The following ZNF385D variants were observed in gnomAD, a reference collection of about 807,000 sequenced individuals.
The protein encoded by ZNF385D is zinc finger protein 659.
A neutral mutation model predicts 35.8 loss-of-function variants in ZNF385D; 15 were observed. The observed-to-expected ratio is 0.42, with a 90% CI of 0.28 to 0.64. The LOEUF (loss-of-function observed/expected upper bound fraction) is 0.64. Ranked by LOEUF, ZNF385D falls within the 30% of genes least tolerant of loss-of-function variation. The probability of loss-of-function intolerance (pLI) is 0.23; values close to 1 mark genes in which losing one functional copy is unlikely to be tolerated. For missense variants in ZNF385D, 474 were observed against 494.6 expected (o/e 0.96, Z 0.39); for synonymous variants, 212 against 186.8 (o/e 1.13, Z -1.10).
chr3:22,160,949 T>A (rs963193811), intron 3 of ZNF385D, among the ~76,000 whole-genome samples: 1 of 152,076 alleles, frequency 6.6e-6, no homozygotes, highest in Admixed American at 6.6e-5. Flanking sequence ...ATCCTAAAAG[T>A]TATGCCCCTT....
At chr3:22,287,655 C>T (rs1702094380) in intron 2 of ZNF385D, among the ~76,000 whole-genome samples, 1 of 151,946 alleles carries the variant, frequency 6.6e-6, no homozygotes, top group Admixed American at 6.6e-5. Flanking sequence ...CCATAACCCC[C>T]AGCATTTTAG....
At chr3:21,635,524 G>C (rs2065401958) in intron 2 of ZNF385D, among the ~76,000 whole-genome samples, 1 of 148,912 alleles carries the variant, frequency 6.7e-6, no homozygotes, top group African/African-American at 2.5e-5. Context: ...TGTAGTTCCA[G>C]AGTCACTGTT....
At chr3:22,021,546 C>T (rs759700955) in intron 3 of ZNF385D, among the ~76,000 whole-genome samples, 11 of 152,192 alleles carry the variant, frequency 7.2e-5, no homozygotes, top group East Asian at 5.8e-4. Flanking sequence ...TGCTTTAATT[C>T]GCTCAGCCTC....
chr3:22,365,210 G>A (rs890739772), intron 2 of ZNF385D, among the ~76,000 whole-genome samples: 6 of 151,642 alleles, frequency 4.0e-5, no homozygotes, highest in Admixed American at 3.9e-4. Flanking sequence ...TACACTGAGC[G>A]GTGCACTTAA....
intron 2 of ZNF385D, among the ~76,000 whole-genome samples, chr3:22,354,378 G>C (rs746641780): frequency 3.9e-5 from 6 of 152,038 alleles, no homozygotes; most frequent in Non-Finnish European, 8.8e-5. Context: ...AATGTTGGCT[G>C]CTGTTGCTGC....
chr3:21,847,894 G>A (rs140795165), intron 3 of ZNF385D, among the ~76,000 whole-genome samples: 1 of 152,014 alleles, frequency 6.6e-6, no homozygotes, highest in East Asian at 1.9e-4. Context: ...GTAAAACATT[G>A]CTGACTATAG....
intron 3 of ZNF385D, among the ~76,000 whole-genome samples, chr3:22,128,653 G>C (rs143588474): frequency 6.6e-6 from 1 of 152,048 alleles, no homozygotes; most frequent in African/African-American, 2.4e-5. Context: ...TTATGCTGTT[G>C]AGAGACTCTG....
intron 3 of ZNF385D, among the ~76,000 whole-genome samples, chr3:21,915,526 TG>T (rs1700153203): frequency 6.6e-6 from 1 of 152,150 alleles, no homozygotes; most frequent in African/African-American, 2.4e-5. Flanking sequence ...TAAGTAAATG[TG>T]TTTCTTTGCA....
chr3:21,678,506 G>A (rs2066798967), intron 1 of ZNF385D, among the ~76,000 whole-genome samples: 1 of 152,070 alleles, frequency 6.6e-6, no homozygotes, highest in African/African-American at 2.4e-5. Flanking sequence ...CAAACGTTTT[G>A]TAGAAAACGC....
intron 2 of ZNF385D, among the ~76,000 whole-genome samples, chr3:22,369,191 G>C (rs994461788): frequency 7.2e-5 from 11 of 152,112 alleles, no homozygotes; most frequent in African/African-American, 1.4e-4. Context: ...ATGTCAGTGT[G>C]ACTCATGTTT....
chr3:21,424,318 T>TATA (rs375587956), intron 6 of ZNF385D, among the ~76,000 whole-genome samples: 1,376 of 41,046 alleles, frequency 0.034, 17 homozygotes, highest in Non-Finnish European at 0.041. Context: ...TATATATATA[T>TATA]TTTTTTTTTT....
At chr3:21,446,785 G>A (rs1203704318) in intron 4 of ZNF385D, among the ~76,000 whole-genome samples, 1 of 97,758 alleles carries the variant, frequency 1.0e-5, no homozygotes, top group African/African-American at 3.7e-5. Flanking sequence ...GAGCCACCGT[G>A]CCTGGCCTAA....
chr3:21,990,971 C>G (rs1695115551), intron 3 of ZNF385D, among the ~76,000 whole-genome samples: 1 of 152,172 alleles, frequency 6.6e-6, no homozygotes, highest in Non-Finnish European at 1.5e-5. Flanking sequence ...ACCAACAGTG[C>G]ACTGTACCAA....
intron 2 of ZNF385D, among the ~76,000 whole-genome samples, chr3:22,221,546 A>C (rs1247946327): frequency 1.3e-5 from 2 of 152,172 alleles, no homozygotes; most frequent in African/African-American, 4.8e-5. Flanking sequence ...ATTTTGATAA[A>C]AGATGCCTTA....
At chr3:21,609,263 G>A (rs1195918197) in intron 2 of ZNF385D, among the ~76,000 whole-genome samples, 1 of 152,276 alleles carries the variant, frequency 6.6e-6, no homozygotes, top group East Asian at 1.9e-4. Context: ...CGCCAACTGA[G>A]CTAAATAATT....
At chr3:22,201,687 A>C (rs1696810735) in intron 2 of ZNF385D, among the ~76,000 whole-genome samples, 1 of 152,018 alleles carries the variant, frequency 6.6e-6, no homozygotes, top group Non-Finnish European at 1.5e-5. Context: ...GCTGATACAT[A>C]ATTTAAACAA....
rs73820174 is a variant in ZNF385D, at chr3:21,895,818, T to C, written c.326-230790A>G. Among the ~76,000 whole-genome samples, 1,034 of 152,222 alleles carry C rather than the reference T, an allele frequency of 6.8e-3. 11 individuals carry two copies. Among genetic ancestry groups the C allele is most frequent in the African/African-American group, 0.024 (980 of 41,534 alleles). On this transcript the variant is annotated intron_variant, in intron 3 of 5. Coordinates refer to the ZNF385D transcript ENST00000494108. ...AATAGTAGTTTGCAAGATGGAAATA[T>C]GCAGGCAGTCAAGGGATGTTAAGAT...
At chr3:21,964,918 G>C (rs1214865850) in intron 3 of ZNF385D, among the ~76,000 whole-genome samples, 4 of 152,128 alleles carry the variant, frequency 2.6e-5, no homozygotes, top group African/African-American at 9.7e-5. Context: ...AGAAGCTACT[G>C]AACATAGGAA....
At position 21,703,708 on chromosome 3, in the gene ZNF385D, A is replaced by C. The variant is rs996875441; in HGVS notation, c.23-38680T>G. On this transcript the variant is annotated intron_variant, in intron 1 of 7. Transcript: ENST00000281523. ...TTCTCCTGTGTAAAGACACCACTGT[A>C]GTTCTTTTTTCATGTTGGCTCATGA... Among the ~76,000 whole-genome samples, 4 of 151,686 alleles carry C rather than the reference A, an allele frequency of 2.6e-5. No homozygotes were observed. In the South Asian group the frequency reaches 8.3e-4, roughly 31 times the overall value.
Sources: gnomAD v4.1 joint callset for allele counts (sites outside exome capture counted in the v4.1 genomes callset) on GRCh38, gnomAD v4.1.1 for gene constraint, MANE v1.5 for transcripts, NCBI Gene and HGNC (gene_info 2026-07-23, HGNC 2026-07-21) for gene names.